RALYL: variants seen among roughly 807,000 people sequenced by gnomAD.
The protein encoded by RALYL is RALY RNA binding protein like.
Under a neutral mutation model 35.1 loss-of-function variants are expected in RALYL, and 29 were observed. That is an observed-to-expected ratio of 0.83 (90% CI 0.61 to 1.13). The LOEUF is 1.13. Among genes scored for constraint, RALYL ranks in the 50% most tolerant of loss-of-function variants. The probability of loss-of-function intolerance (pLI) is 0.00; values close to 1 mark genes in which losing one functional copy is unlikely to be tolerated. For synonymous variants in RALYL, 120 were observed against 127.6 expected, an observed-to-expected ratio of 0.94 and a Z score of 0.40; for missense variants, 359 against 360.4, an observed-to-expected ratio of 1.00 and a Z score of 0.03.
At chr8:84,619,296 A>G (rs1820671164) in intron 2 of RALYL, among the ~76,000 whole-genome samples, 1 of 151,694 alleles carries the variant, frequency 6.6e-6, no homozygotes, top group Non-Finnish European at 1.5e-5. Flanking sequence ...GTGCATATAT[A>G]TTTAGGATAG....
intron 1 of RALYL, among the ~76,000 whole-genome samples, chr8:84,314,947 G>A (rs1230616867): frequency 2.0e-5 from 3 of 152,154 alleles, no homozygotes; most frequent in Non-Finnish European, 4.4e-5. Context: ...TAACCTCAAA[G>A]TCACTCTTTG....
At chr8:84,433,151 A>G (rs1440076034) in intron 1 of RALYL, among the ~76,000 whole-genome samples, 1 of 152,164 alleles carries the variant, frequency 6.6e-6, no homozygotes, top group South Asian at 2.1e-4. Flanking sequence ...GTAATTTGCT[A>G]AAGTTAAAAA....
chr8:84,725,225 G>T (rs1844721323), intron 2 of RALYL, among the ~76,000 whole-genome samples: 1 of 151,534 alleles, frequency 6.6e-6, no homozygotes, highest in Non-Finnish European at 1.5e-5. Flanking sequence ...TTTCTTTCTT[G>T]ATATAATGTG....
chr8:84,463,846 C>A (rs547724912), intron 1 of RALYL, among the ~76,000 whole-genome samples: 13 of 152,156 alleles, frequency 8.5e-5, no homozygotes, highest in African/African-American at 3.1e-4. Flanking sequence ...CATGTACCCA[C>A]AATCATGGTG....
intron 1 of RALYL, among the ~76,000 whole-genome samples, chr8:84,287,499 T>A (rs901041383): frequency 3.3e-5 from 5 of 151,940 alleles, no homozygotes; most frequent in African/African-American, 4.8e-5. Flanking sequence ...GGTAGAAGAA[T>A]AAAATGAAGA....
chr8:84,327,485 T>A (rs2130607268), intron 1 of RALYL, among the ~76,000 whole-genome samples: 1 of 152,298 alleles, frequency 6.6e-6, no homozygotes, highest in South Asian at 2.1e-4. Context: ...ACCAGCGTCT[T>A]GCAACCTAGG....
At chr8:84,293,434 C>T (rs1839152913) in intron 1 of RALYL, among the ~76,000 whole-genome samples, 1 of 151,970 alleles carries the variant, frequency 6.6e-6, no homozygotes, top group African/African-American at 2.4e-5. Context: ...GCCAGCATTT[C>T]CCTCACATCA....
At chr8:84,217,621 G>T (rs921077027) in intron 1 of RALYL, among the ~76,000 whole-genome samples, 1 of 152,102 alleles carries the variant, frequency 6.6e-6, no homozygotes, top group Non-Finnish European at 1.5e-5. Flanking sequence ...TCATATATAC[G>T]ATTTTTTAAA....
chr8:84,841,444 A>T (rs1833309048), intron 4 of RALYL, among the ~76,000 whole-genome samples: 1 of 152,012 alleles, frequency 6.6e-6, no homozygotes, highest in Admixed American at 6.5e-5. Flanking sequence ...TGCACCCAAT[A>T]CAGGAGCACC....
At chr8:84,340,009 T>C (rs180741319) in intron 1 of RALYL, among the ~76,000 whole-genome samples, 64 of 152,200 alleles carry the variant, frequency 4.2e-4, no homozygotes, top group Non-Finnish European at 3.2e-4. Flanking sequence ...GTTCCCGTGA[T>C]AGTGAATAAT....
chr8:84,294,893 C>T (rs747317994), intron 1 of RALYL, among the ~76,000 whole-genome samples: 3 of 152,014 alleles, frequency 2.0e-5, no homozygotes, highest in Non-Finnish European at 4.4e-5. Context: ...ACATAATTGA[C>T]TTTCTCTGGG....
intron 1 of RALYL, among the ~76,000 whole-genome samples, chr8:84,262,314 T>C (rs1339779732): frequency 6.6e-6 from 1 of 152,156 alleles, no homozygotes; most frequent in Non-Finnish European, 1.5e-5. Flanking sequence ...TGATTCACAA[T>C]GGAAACTCAA....
At chr8:84,417,998 C>A (rs1032216315) in intron 1 of RALYL, among the ~76,000 whole-genome samples, 2 of 152,170 alleles carry the variant, frequency 1.3e-5, no homozygotes, top group Non-Finnish European at 2.9e-5. Context: ...AGTTGCCCAA[C>A]AGGAGATGAT....
intron 2 of RALYL, among the ~76,000 whole-genome samples, chr8:84,565,112 G>A (rs970248472): frequency 1.3e-5 from 2 of 151,300 alleles, no homozygotes; most frequent in African/African-American, 4.8e-5. Context: ...CCACCTTCTG[G>A]TGACCAATGA....
At chr8:84,872,156 G>A (rs758033660) in intron 6 of RALYL, among the ~76,000 whole-genome samples, 6 of 152,096 alleles carry the variant, frequency 3.9e-5, no homozygotes, top group Non-Finnish European at 5.9e-5. Context: ...ATAAAAGCTC[G>A]GAGGCAGATA....
intron 2 of RALYL, among the ~76,000 whole-genome samples, chr8:84,579,386 C>T (rs192113661): frequency 6.6e-6 from 1 of 152,256 alleles, no homozygotes; most frequent in East Asian, 1.9e-4. Flanking sequence ...ATCCCTGGTC[C>T]AGAGTCATGG....
intron 1 of RALYL, among the ~76,000 whole-genome samples, chr8:84,225,406 A>G (rs2131361204): frequency 6.6e-6 from 1 of 152,236 alleles, no homozygotes; most frequent in East Asian, 1.9e-4. Context: ...GCAGATTTTC[A>G]TTACCCTTAG....
chr8:84,885,667 A>T (rs1335256892), intron 7 of RALYL, among the ~76,000 whole-genome samples: 2 of 152,134 alleles, frequency 1.3e-5, no homozygotes, highest in Non-Finnish European at 2.9e-5. Flanking sequence ...TCTCTTAATG[A>T]AAAAGAGCCT....
At chr8:84,556,454 A>G (rs1336761452) in intron 2 of RALYL, among the ~76,000 whole-genome samples, 2 of 152,132 alleles carry the variant, frequency 1.3e-5, no homozygotes, top group African/African-American at 4.8e-5. Flanking sequence ...AGGCTATTTG[A>G]CTCCAAAGAC....
Sources: allele counts gnomAD v4.1 joint callset (sites outside exome capture counted in the v4.1 genomes callset), GRCh38; gene constraint gnomAD v4.1.1; transcripts MANE v1.5; gene names NCBI Gene and HGNC (gene_info 2026-07-23, HGNC 2026-07-21).